The following ABTB3 variants were observed in gnomAD, a reference collection of about 807,000 sequenced individuals.
ABTB3 encodes the protein ankyrin repeat and BTB domain containing 3.
chr12:107,474,176 T>C, the ABTB3 span, among the ~76,000 whole-genome samples: 5 of 152,162 alleles, frequency 3.3e-5, no homozygotes, highest in African/African-American at 9.7e-5. Flanking sequence ...CTGGGGTCTG[T>C]ATATCTGGGA....
chr12:107,656,979 G>T, the ABTB3 span, among the ~76,000 whole-genome samples: 1 of 152,142 alleles, frequency 6.6e-6, no homozygotes. Context: ...GGAGGTGGAG[G>T]TTGCAGTGAG....
chr12:107,326,062 T>A, the ABTB3 span, among the ~76,000 whole-genome samples: 1 of 152,156 alleles, frequency 6.6e-6, no homozygotes, highest in East Asian at 1.9e-4. Context: ...TGCGCCACCA[T>A]GCCCAGCTAA....
chr12:107,572,477 A>C, the ABTB3 span, among the ~76,000 whole-genome samples: 1 of 152,188 alleles, frequency 6.6e-6, no homozygotes, highest in East Asian at 1.9e-4. Context: ...AGACCCGGGA[A>C]TATCCATTTT....
the ABTB3 span, among the ~76,000 whole-genome samples, chr12:107,485,206 C>T: frequency 6.6e-6 from 1 of 152,120 alleles, no homozygotes; most frequent in African/African-American, 2.4e-5. Context: ...CCTATGATTC[C>T]AAATTCATTG....
chr12:107,434,451 G>A, the ABTB3 span, among the ~76,000 whole-genome samples: 6 of 152,216 alleles, frequency 3.9e-5, no homozygotes, highest in Non-Finnish European at 8.8e-5. Context: ...CTTTTGTCTT[G>A]TTCTTTACAT....
the ABTB3 span, among the ~76,000 whole-genome samples, chr12:107,633,896 C>T: frequency 2.6e-5 from 4 of 152,232 alleles, no homozygotes; most frequent in African/African-American, 9.6e-5. Context: ...CAAGCATTTA[C>T]ATTTCTAATA....
chr12:107,509,352 G>T, the ABTB3 span, among the ~76,000 whole-genome samples: 1 of 152,262 alleles, frequency 6.6e-6, no homozygotes, highest in Non-Finnish European at 1.5e-5. Flanking sequence ...AGAATTTTCA[G>T]AATTGAGTTC....
chr12:107,639,057 G>A, the ABTB3 span, among the ~76,000 whole-genome samples: 3 of 152,314 alleles, frequency 2.0e-5, no homozygotes, highest in Admixed American at 6.5e-5. Context: ...ACTGACCAAG[G>A]GTGTCTGATC....
the ABTB3 span, among the ~76,000 whole-genome samples, chr12:107,348,315 A>C: frequency 6.6e-6 from 1 of 152,192 alleles, no homozygotes; most frequent in Non-Finnish European, 1.5e-5. Context: ...ACACACATAC[A>C]TATTTTAACA....
chr12:107,356,772 C>T, the ABTB3 span, among the ~76,000 whole-genome samples: 6 of 152,214 alleles, frequency 3.9e-5, no homozygotes, highest in African/African-American at 1.4e-4. Flanking sequence ...GAGCAACAGT[C>T]AAGTCCACAG....
chr12:107,626,265 T>G, the ABTB3 span, among the ~76,000 whole-genome samples: 2 of 152,100 alleles, frequency 1.3e-5, no homozygotes, highest in East Asian at 1.9e-4. Context: ...GGGAAAAGTA[T>G]GTCTATTACA....
the ABTB3 span, among the ~76,000 whole-genome samples, chr12:107,653,473 C>T: frequency 3.3e-5 from 5 of 150,968 alleles, no homozygotes; most frequent in African/African-American, 9.7e-5. Context: ...GTGGAGATCG[C>T]GCCACTGCAC....
chr12:107,503,794 G>C, the ABTB3 span, among the ~76,000 whole-genome samples: 1 of 143,492 alleles, frequency 7.0e-6, no homozygotes, highest in Non-Finnish European at 1.5e-5. Context: ...GAAGAAGAAA[G>C]AGAAAAAGAG....
At chr12:107,335,668 T>C in the ABTB3 span, among the ~76,000 whole-genome samples, 1 of 152,188 alleles carries the variant, frequency 6.6e-6, no homozygotes, top group Non-Finnish European at 1.5e-5. Context: ...AGGCTCTGAC[T>C]ACCCACGGAG....
chr12:107,529,157 G>A, the ABTB3 span, among the ~76,000 whole-genome samples: 2 of 142,422 alleles, frequency 1.4e-5, no homozygotes, highest in African/African-American at 5.2e-5. Context: ...TGACGGAGAT[G>A]ATGGTAGTGA....
chr12:107,450,982 T>G, the ABTB3 span, among the ~76,000 whole-genome samples: 2 of 150,010 alleles, frequency 1.3e-5, no homozygotes, highest in East Asian at 1.9e-4. Flanking sequence ...CAATATGTGT[T>G]TTTTTTTTTA....
chr12:107,437,160 CA>C, the ABTB3 span, among the ~76,000 whole-genome samples: 1 of 152,118 alleles, frequency 6.6e-6, no homozygotes, highest in South Asian at 2.1e-4. Context: ...AACACATGAC[CA>C]CAAACTCAGT....
At chr12:107,635,203 G>A in the ABTB3 span, 2 of 1,235,386 alleles carry the variant, frequency 1.6e-6, no homozygotes, top group South Asian at 1.3e-5. Context: ...CTTATCACCT[G>A]GAGGGACGCA....
the ABTB3 span, among the ~76,000 whole-genome samples, chr12:107,544,607 G>A: frequency 1.3e-5 from 2 of 152,358 alleles, no homozygotes; most frequent in South Asian, 4.1e-4. Context: ...GTTCTTTGAA[G>A]CCAAATCCTC....
Sources: gnomAD v4.1 joint callset for allele counts (sites outside exome capture counted in the v4.1 genomes callset) on GRCh38, gnomAD v4.1.1 for gene constraint, MANE v1.5 for transcripts, NCBI Gene and HGNC (gene_info 2026-07-23, HGNC 2026-07-21) for gene names.